Variants in CNTN4 observed in about 807,000 individuals in gnomAD.
CNTN4 encodes the protein contactin-4.
A neutral mutation model predicts 122.5 loss-of-function variants in CNTN4; 77 were observed. That is an observed-to-expected ratio of 0.63 (90% confidence interval 0.52 to 0.76). CNTN4 has a LOEUF of 0.76. CNTN4 is among the 30% of genes least tolerant of loss of function. CNTN4 has a pLI of 0.00. For synonymous variants in CNTN4, 512 were observed against 447.0 expected (o/e 1.15, Z -1.83); for missense variants, 1,256 against 1,259.1 (o/e 1.00, Z 0.04).
intron 6 of CNTN4, among the ~76,000 whole-genome samples, chr3:2,793,232 C>T (rs920743472): frequency 1.1e-4 from 17 of 152,006 alleles, no homozygotes; most frequent in African/African-American, 3.1e-4. Context: ...ATTCCTATCA[C>T]GCTTCTGCTT....
At chr3:2,775,786 T>G (rs544127194) in intron 6 of CNTN4, among the ~76,000 whole-genome samples, 2 of 152,310 alleles carry the variant, frequency 1.3e-5, no homozygotes, top group South Asian at 4.1e-4. Context: ...ACTCTTTGAT[T>G]ATCTATTTTT....
intron 4 of CNTN4, among the ~76,000 whole-genome samples, chr3:2,589,234 T>C (rs1037757587): frequency 3.9e-5 from 6 of 152,134 alleles, no homozygotes; most frequent in African/African-American, 1.2e-4. Context: ...GTTGCGGCAT[T>C]AGTAGTAGGA....
In CNTN4 at chr3:2,595,935, G is replaced by A. The variant is rs543671222; in HGVS notation, c.55+24377G>A. On this transcript the variant is annotated intron_variant, in intron 4 of 24. Transcript: ENST00000418658. ...TGAGGATTATGTATCATCATCTGTTGTATGTGGGTGGCATTGCACTAGTAC... is the reference window on the plus strand; with the variant it reads ...TGAGGATTATGTATCATCATCTGTTATATGTGGGTGGCATTGCACTAGTAC... 1.6e-4 allele frequency among the ~76,000 whole-genome samples: 24 copies of A among 152,290 alleles called. No homozygotes were observed. The East Asian group carries it at 1.7e-3, about 11-fold the overall frequency.
At chr3:2,629,105 T>G (rs2082316207) in intron 4 of CNTN4, among the ~76,000 whole-genome samples, 1 of 152,264 alleles carries the variant, frequency 6.6e-6, no homozygotes, top group East Asian at 1.9e-4. Flanking sequence ...ATTGAAGCCT[T>G]AACCCCCAAA....
chr3:2,989,781 A>T (rs1426965648), intron 14 of CNTN4, among the ~76,000 whole-genome samples: 1 of 152,194 alleles, frequency 6.6e-6, no homozygotes, highest in Non-Finnish European at 1.5e-5. Flanking sequence ...TGTAAAGTGC[A>T]GTTCTAGCTA....
At chr3:2,578,504 C>G (rs1225664810) in intron 4 of CNTN4, among the ~76,000 whole-genome samples, 2 of 152,186 alleles carry the variant, frequency 1.3e-5, no homozygotes, top group African/African-American at 4.8e-5. Context: ...CCAAGATTCT[C>G]ACATTTTCCC....
At chr3:2,261,633 C>T (rs2040837171) in intron 2 of CNTN4, among the ~76,000 whole-genome samples, 1 of 152,094 alleles carries the variant, frequency 6.6e-6, no homozygotes, top group South Asian at 2.1e-4. Context: ...ACCAACTATT[C>T]CAGGCTGCAG....
intron 4 of CNTN4, among the ~76,000 whole-genome samples, chr3:2,685,277 A>G (rs2085374198): frequency 6.6e-6 from 1 of 152,188 alleles, no homozygotes; most frequent in African/African-American, 2.4e-5. Context: ...AAGAATAGAG[A>G]AGTAATGGGG....
intron 13 of CNTN4, among the ~76,000 whole-genome samples, chr3:2,942,490 G>A (rs1279992557): frequency 2.6e-5 from 4 of 152,160 alleles, no homozygotes; most frequent in Admixed American, 6.5e-5. Flanking sequence ...CGCAATTACT[G>A]CAGTTGATAT....
At chr3:2,785,559 A>G (rs539736117) in intron 6 of CNTN4, among the ~76,000 whole-genome samples, 28 of 152,322 alleles carry the variant, frequency 1.8e-4, no homozygotes, top group Middle Eastern at 3.4e-3. Context: ...GGCCCAAATT[A>G]ACATATAAAA....
chr3:2,376,639 A>C (rs1490482213), intron 3 of CNTN4, among the ~76,000 whole-genome samples: 1 of 139,222 alleles, frequency 7.2e-6, no homozygotes, highest in South Asian at 2.2e-4. Context: ...CTCAATTTTC[A>C]TGTTCTGTTT....
At chr3:2,173,731 A>C (rs567285903) in intron 2 of CNTN4, among the ~76,000 whole-genome samples, 1 of 152,318 alleles carries the variant, frequency 6.6e-6, no homozygotes, top group East Asian at 1.9e-4. Flanking sequence ...TCATTTGTTA[A>C]ATAGAAATAA....
At chr3:2,628,389 G>A (rs932064071) in intron 4 of CNTN4, among the ~76,000 whole-genome samples, 4 of 152,134 alleles carry the variant, frequency 2.6e-5, no homozygotes, top group Non-Finnish European at 5.9e-5. Context: ...AAGGGAAATG[G>A]CTTTAGGGAT....
chr3:2,904,991 G>C (rs2094213555), intron 12 of CNTN4, among the ~76,000 whole-genome samples: 1 of 152,104 alleles, frequency 6.6e-6, no homozygotes, highest in African/African-American at 2.4e-5. Flanking sequence ...TTTATATCTA[G>C]AGTGCCTACC....
intron 6 of CNTN4, among the ~76,000 whole-genome samples, chr3:2,802,508 G>C (rs1029205714): frequency 1.3e-5 from 2 of 152,136 alleles, no homozygotes; most frequent in African/African-American, 2.4e-5. Flanking sequence ...GTGCCTTACA[G>C]AAAAAATACG....
chr3:2,495,798 A>C (rs1365940908), intron 3 of CNTN4, among the ~76,000 whole-genome samples: 1 of 152,208 alleles, frequency 6.6e-6, no homozygotes, highest in Non-Finnish European at 1.5e-5. Flanking sequence ...CCATGAAACC[A>C]GTCCCTGCTG....
chr3:2,913,060 G>C (rs149657473), intron 12 of CNTN4, among the ~76,000 whole-genome samples: 17 of 152,262 alleles, frequency 1.1e-4, no homozygotes, highest in African/African-American at 3.9e-4. Context: ...GCTGAGGCAG[G>C]AGACTCACTT....
At chr3:2,797,238 C>T (rs2092214331) in intron 6 of CNTN4, among the ~76,000 whole-genome samples, 1 of 152,164 alleles carries the variant, frequency 6.6e-6, no homozygotes, top group Non-Finnish European at 1.5e-5. Flanking sequence ...AAGCTATCCT[C>T]CTGCCTCAGC....
intron 2 of CNTN4, among the ~76,000 whole-genome samples, chr3:2,147,601 G>T (rs1171405697): frequency 6.6e-6 from 1 of 152,022 alleles, no homozygotes; most frequent in African/African-American, 2.4e-5. Flanking sequence ...TTGTAGAGAT[G>T]CCAGTGAGGT....
Sources: allele counts gnomAD v4.1 joint callset (sites outside exome capture counted in the v4.1 genomes callset), GRCh38; gene constraint gnomAD v4.1.1; transcripts MANE v1.5; gene names NCBI Gene and HGNC (gene_info 2026-07-23, HGNC 2026-07-21).